The following USP4 variants were observed in gnomAD, a reference collection of about 807,000 sequenced individuals.
USP4 encodes ubiquitin carboxyl-terminal hydrolase 4.
In USP4, 72 loss-of-function variants were observed where a neutral mutation model predicts 118.2. The observed-to-expected ratio is 0.61, with a 90% CI of 0.50 to 0.74. The LOEUF is 0.74. Among genes scored for constraint, USP4 ranks in the 30% least tolerant of loss-of-function variants. The pLI is 0.00. For missense variants in USP4, 1,037 were observed against 1,185.7 expected (o/e 0.87, Z 1.84); for synonymous variants, 415 against 440.4 (o/e 0.94, Z 0.72).
At chr3:49,294,816 G>T (rs1288102971) in intron 13 of USP4, among the ~76,000 whole-genome samples, 1 of 152,138 alleles carries the variant, frequency 6.6e-6, no homozygotes, top group Non-Finnish European at 1.5e-5. Context: ...TACAACCTGG[G>T]GCTGAGGGCT....
chr3:49,297,962 C>A lies in USP4; in HGVS notation c.1599G>T (p.Met533Ile). The stretch of plus-strand genomic sequence containing the variant: ...GGTGATTATACACATCTGCGACCAC[C>A]ATCTAAGAATGAACAGTAACAGAAA... ...SRLSGIAAEN[M>I]VVADVYNHRF... Residue 533 changes from methionine to isoleucine, a missense_variant and splice_region_variant, in exon 13 of 22, where the codon ATG becomes ATT. Around this residue, in one of 3 missense-constraint regions of USP4, gnomAD observed 522 missense variants for 592.6 expected, o/e 0.88. Coordinates refer to ENST00000265560, the MANE Select transcript of USP4 (RefSeq NM_003363.4). 1 of 1,610,548 alleles carries A rather than the reference C, an allele frequency of 6.2e-7. No individual in the cohort carries two copies. Among genetic ancestry groups the A allele is most frequent in the South Asian group, 1.1e-5 (1 of 90,988 alleles).
At chr3:49,308,125 G>A (rs1223698924) in intron 8 of USP4, among the ~76,000 whole-genome samples, 5 of 152,092 alleles carry the variant, frequency 3.3e-5, no homozygotes, top group Admixed American at 3.3e-4. Context: ...TGTTTGCCTG[G>A]TGGGCCTTGG....
At chr3:49,325,068 G>A (rs1301308334) in intron 4 of USP4, 29 bp from the exon 5 acceptor site, 1 of 1,605,936 alleles carries the variant, frequency 6.2e-7, no homozygotes, top group Non-Finnish European at 8.5e-7. Flanking sequence ...ATCACTTGGG[G>A]CTTTGTCCAC....
rs554320462 is a variant in USP4 at position 49,307,647 on chromosome 3, A to G, written c.955-1759T>C. On this transcript the variant is annotated intron_variant, in intron 8 of 21. Coordinates refer to ENST00000265560, the MANE Select transcript of USP4 (RefSeq NM_003363.4). Reference sequence around the variant, plus strand: ...CTGGTTTGCTTACCACTGAGTCCCTATGTAAAGAATATTGGGCCAAGTGCA... The same window carrying G: ...CTGGTTTGCTTACCACTGAGTCCCTGTGTAAAGAATATTGGGCCAAGTGCA... Among the ~76,000 whole-genome samples the G allele has an allele frequency of 3.9e-5, 6 of 152,098 alleles. 1 individual carries two copies. The highest frequency in any genetic ancestry group is 1.4e-4 in the African/African-American group (6 of 41,508).
At position 49,325,700 on chromosome 3, in the gene USP4, C is replaced by T. The variant is rs1354017565; in HGVS notation, c.487+19G>A. On this transcript the variant is annotated intron_variant, in intron 4 of 21. Coordinates refer to ENST00000265560, the MANE Select transcript of USP4 (RefSeq NM_003363.4). ...ACACTCTCTCACCACATACCAGGGACCCCAGCCCAGCCTCTCACCAATGGT... is the reference window on the plus strand; with the variant it reads ...ACACTCTCTCACCACATACCAGGGATCCCAGCCCAGCCTCTCACCAATGGT... 2 of 1,611,990 alleles carry T rather than the reference C, an allele frequency of 1.2e-6. No homozygotes were observed. Among genetic ancestry groups the T allele is most frequent in the Non-Finnish European group, 1.7e-6 (2 of 1,179,086 alleles).
At chr3:49,285,694 G>A (rs1383571369) in intron 16 of USP4, among the ~76,000 whole-genome samples, 1 of 152,082 alleles carries the variant, frequency 6.6e-6, no homozygotes, top group Non-Finnish European at 1.5e-5. Context: ...TCCATGTGTC[G>A]GTGAGGCTAC....
At chr3:49,328,798 T>A (rs2047583728) in intron 2 of USP4, among the ~76,000 whole-genome samples, 1 of 151,898 alleles carries the variant, frequency 6.6e-6, no homozygotes, top group South Asian at 2.1e-4. Context: ...AGGTGGAGAC[T>A]GCAGTGAGCC....
rs145057056 is a variant in USP4 at position 49,329,213 on chromosome 3, A to C, written c.230-1397T>G. On this transcript the variant is annotated intron_variant, in intron 2 of 21. Coordinates refer to ENST00000265560, the MANE Select transcript of USP4 (RefSeq NM_003363.4). ...AAATAAAAGTAAAAATAAAAAATAA[A>C]GCAATTCAGTCACATCTTCAGGCTT... Among the ~76,000 whole-genome samples, 75 of 152,278 alleles carry C rather than the reference A, an allele frequency of 4.9e-4. 1 individual carries two copies. In the East Asian group the frequency reaches 0.013, roughly 27 times the overall value.
At chr3:49,308,945 T>C (rs1436669616) in intron 8 of USP4, among the ~76,000 whole-genome samples, 1 of 150,796 alleles carries the variant, frequency 6.6e-6, no homozygotes, top group East Asian at 2.0e-4. Flanking sequence ...GGCATGAGAA[T>C]TGCTTAAACC....
At chr3:49,295,432 C>T (rs1449621080) in intron 13 of USP4, among the ~76,000 whole-genome samples, 1 of 150,550 alleles carries the variant, frequency 6.6e-6, no homozygotes, top group Non-Finnish European at 1.5e-5. Context: ...AAGTAATTGT[C>T]ATCTTTGTTC....
chr3:49,327,509 C>A (rs2047569383), intron 3 of USP4, among the ~76,000 whole-genome samples, 177 bp downstream of exon 3: 1 of 152,090 alleles, frequency 6.6e-6, no homozygotes, highest in East Asian at 1.9e-4. Context: ...GCACTCCAGC[C>A]TGGGCGACAA....
intron 4 of USP4, 106 bp downstream of exon 4, chr3:49,325,613 A>T: frequency 6.7e-7 from 1 of 1,482,680 alleles, no homozygotes; most frequent in South Asian, 1.2e-5. Flanking sequence ...TGATTTGGGT[A>T]ACAAATCTAA....
intron 6 of USP4, chr3:49,313,995 C>T (rs2107790194): frequency 6.6e-6 from 1 of 152,266 alleles, no homozygotes; most frequent in South Asian, 2.1e-4. Context: ...ACATGAGCCA[C>T]TGCGCTCAGC....
At position 49,304,033 on chromosome 3, in the gene USP4, G is replaced by A. The variant is rs114852929; in HGVS notation, c.1129-1491C>T. 8.9e-3 allele frequency among the ~76,000 whole-genome samples: 1,352 copies of A among 152,046 alleles called. 9 individuals are homozygous for A. Among genetic ancestry groups the A allele is most frequent in the Admixed American group, 0.02 (306 of 15,276 alleles). ...CTCCCCATGGGCTGGGATTACAGGT[G>A]TGAGGCACCGCACCCAGCCGTTGCC... On this transcript the variant is annotated intron_variant, in intron 9 of 21. Transcript: ENST00000265560.
At chr3:49,283,918 C>T (rs2047065910) in intron 19 of USP4, 69 bp downstream of exon 19, 2 of 1,588,026 alleles carry the variant, frequency 1.3e-6, no homozygotes, top group East Asian at 4.5e-5. Context: ...GCAAACCACT[C>T]AGCCAATCAG....
chr3:49,300,835 A>T (rs1356725989), intron 10 of USP4, 144 bp from the exon 11 acceptor site: 8 of 707,010 alleles, frequency 1.1e-5, no homozygotes, highest in African/African-American at 1.8e-5. Flanking sequence ...CAAGGCCAGG[A>T]CTACTCTTAG....
rs529760203 is a variant in USP4 at position 49,314,475 on chromosome 3, G to C, written c.696-2821C>G. ...GGGTACTCTCATTCACCACATGGGA[G>C]ACTTAAGCATGCATGTGTTCAATCC... On this transcript the variant is annotated intron_variant, in intron 6 of 21. Coordinates refer to ENST00000265560, the MANE Select transcript of USP4 (RefSeq NM_003363.4). Among the ~76,000 whole-genome samples the C allele has an allele frequency of 4.9e-4, 74 of 152,334 alleles. No homozygotes were observed. In the South Asian group the frequency reaches 9.5e-3, roughly 20 times the overall value.
At chr3:49,317,686 C>A (rs1369838770) in intron 6 of USP4, among the ~76,000 whole-genome samples, 1 of 150,688 alleles carries the variant, frequency 6.6e-6, no homozygotes, top group Admixed American at 6.6e-5. Context: ...GGACTACAGG[C>A]GCCTGCCACC....
At chr3:49,323,271 T>TAAA (rs1173500243) in intron 6 of USP4, among the ~76,000 whole-genome samples, 15 of 101,228 alleles carry the variant, frequency 1.5e-4, no homozygotes, top group African/African-American at 3.4e-4. Flanking sequence ...CTGGCCTTTT[T>TAAA]AAAAAAAAAA....
Sources: allele counts gnomAD v4.1 joint callset (sites outside exome capture counted in the v4.1 genomes callset), GRCh38; gene constraint gnomAD v4.1.1; regional missense constraint gnomAD v4.1.1; transcripts MANE v1.5; gene names NCBI Gene and HGNC (gene_info 2026-07-23, HGNC 2026-07-21).